The following LZIC variants were observed in gnomAD, a reference collection of about 807,000 sequenced individuals.
LZIC encodes protein LZIC.
A neutral mutation model predicts 25.4 loss-of-function variants in LZIC; 28 were observed. The observed-to-expected ratio is 1.10, with a 90% confidence interval of 0.82 to 1.51. The LOEUF is 1.51. Among genes scored for constraint, LZIC ranks in the 40% most tolerant of loss-of-function variants. LZIC has a pLI of 0.00. For synonymous variants in LZIC, 65 were observed against 70.7 expected (o/e 0.92, Z 0.40); for missense variants, 170 against 211.1 (o/e 0.81, Z 1.21).
intron 5 of LZIC, among the ~76,000 whole-genome samples, chr1:9,934,156 A>T (rs550089165): frequency 6.6e-6 from 1 of 151,556 alleles, no homozygotes; most frequent in Non-Finnish European, 1.5e-5. Flanking sequence ...TTGAACCCAG[A>T]GGCAGAGGTT....
At chr1:9,924,553 A>C (rs1373987585), downstream of LZIC, among the ~76,000 whole-genome samples, 2 of 151,802 alleles carry the variant, frequency 1.3e-5, no homozygotes, top group Non-Finnish European at 2.9e-5. Flanking sequence ...ATGGGGTTTC[A>C]CCGTGTTAGC....
intron 7 of LZIC, 27 bp from the exon 8 acceptor site, chr1:9,930,484 A>G (rs758788147): frequency 5.2e-5 from 84 of 1,611,480 alleles, no homozygotes; most frequent in Non-Finnish European, 7.1e-5. Context: ...ATAATAAACA[A>G]AAAGATTATT....
Position 9,932,892 on chromosome 1 carries a change from T to A in LZIC, c.343A>T (p.Arg115Ter). ...QLRTRLAEMD[R>*]DLMVGKLERD... is the part of the protein sequence containing the mutation. ...TCCAGCTTTCCTACCATCAGATCTCTATCCATCTAAAACGTATGAATGCAA... is the reference window on the plus strand; with the variant it reads ...TCCAGCTTTCCTACCATCAGATCTCAATCCATCTAAAACGTATGAATGCAA... Residue 115 changes from arginine to a stop codon, truncating the protein, a stop_gained, in exon 6 of 8, where the codon AGA (arginine) becomes TGA (stop). Transcript: ENST00000377223. LOFTEE classifies it high-confidence loss of function. 1 of 1,594,444 alleles carries A rather than the reference T, an allele frequency of 6.3e-7. No individual in the cohort carries two copies. The highest frequency in any genetic ancestry group is 8.6e-7 in the Non-Finnish European group (1 of 1,162,520).
downstream of LZIC, among the ~76,000 whole-genome samples, chr1:9,925,034 GGGCGCAGT>G (rs1234659681): frequency 6.6e-6 from 1 of 151,792 alleles, no homozygotes; most frequent in African/African-American, 2.4e-5. Flanking sequence ...CCTTACCACC[GGGCGCAGT>G]GGCTCACGCC....
rs1461223758 is a variant in LZIC, at chr1:9,926,368, C to G, written c.*4031G>C. 6.6e-6 allele frequency among the ~76,000 whole-genome samples: 1 copy of G among 152,128 alleles called. No individual in the cohort carries two copies. Among genetic ancestry groups the G allele is most frequent in the African/African-American group, 2.4e-5 (1 of 41,418 alleles). On this transcript the variant is annotated 3_prime_UTR_variant, in exon 8 of 8. Coordinates refer to ENST00000377223, the MANE Select transcript of LZIC (RefSeq NM_032368.5). ...GTAATTTCAGATTATCCATCATTCA[C>G]TGTAATAAGATACCATTTCAGTGGT... is the stretch of plus-strand genomic sequence containing the variant.
Position 9,934,133 on chromosome 1 carries a change from G to A in LZIC, c.336+629C>T, listed in dbSNP as rs569096039. Among the ~76,000 whole-genome samples the A allele has an allele frequency of 2.6e-5, 4 of 151,520 alleles. No individual in the cohort carries two copies. The East Asian group carries it at 5.8e-4, about 22-fold the overall frequency. On this transcript the variant is annotated intron_variant, in intron 5 of 7. Transcript: ENST00000377223. ...AGTCCCAGCTACTCAGGAGGCTGAGGCAAGAGAATCACTTGAACCCAGAGG... is the reference window on the plus strand; with the variant it reads ...AGTCCCAGCTACTCAGGAGGCTGAGACAAGAGAATCACTTGAACCCAGAGG...
downstream of LZIC, chr1:9,922,232 CA>C (rs568667973): frequency 1.8e-4 from 173 of 936,464 alleles, 1 homozygote; most frequent in South Asian, 7.6e-3. Flanking sequence ...CCTTTGCTTC[CA>C]TTCTTGCAGT....
Position 9,942,636 on chromosome 1 carries a change from A to C in LZIC, c.-21T>G, listed in dbSNP as rs950925434. On this transcript the variant is annotated 5_prime_UTR_variant, in exon 2 of 8. Coordinates refer to ENST00000377223, the MANE Select transcript of LZIC (RefSeq NM_032368.5). Reference sequence around the variant, plus strand: ...CATTCATGCTCACCTGTCTCTTAGTACTCTGATCTCTGCACAGTGCCGACC... The same window carrying C: ...CATTCATGCTCACCTGTCTCTTAGTCCTCTGATCTCTGCACAGTGCCGACC... 7.8e-7 allele frequency: 1 copy of C among 1,286,134 alleles called. No homozygotes were observed. The highest frequency in any genetic ancestry group is 1.5e-5 in the African/African-American group (1 of 65,784). 79.7% of individuals were successfully genotyped at this position (1,286,134 alleles called of 1,614,324 possible).
chr1:9,937,726 T>TA (rs976877300), intron 2 of LZIC, among the ~76,000 whole-genome samples: 1 of 151,574 alleles, frequency 6.6e-6, no homozygotes, highest in Non-Finnish European at 1.5e-5. Flanking sequence ...CGGATGCCTC[T>TA]AGTCCCACCT....
intron 5 of LZIC, 106 bp from the exon 6 acceptor site, chr1:9,933,004 C>A: frequency 4.2e-6 from 3 of 716,034 alleles, no homozygotes; most frequent in Admixed American, 2.4e-5. Context: ...ATAATCTCAA[C>A]ACTTTGGGCG....
rs755535414 is a variant in LZIC at position 9,930,299 on chromosome 1, T to C, written c.*100A>G. ...GCTTTTTCTTAGGTTATTGATGCATTTCCAGAATCTCTTCATTTCTTTGCA... is the reference window on the plus strand; with the variant it reads ...GCTTTTTCTTAGGTTATTGATGCATCTCCAGAATCTCTTCATTTCTTTGCA... On this transcript the variant is annotated 3_prime_UTR_variant, in exon 8 of 8. Coordinates refer to ENST00000377223, the MANE Select transcript of LZIC (RefSeq NM_032368.5). 7.4e-4 allele frequency: 1,153 copies of C among 1,560,388 alleles called. No homozygotes were observed. The highest frequency in any genetic ancestry group is 9.6e-4 in the Non-Finnish European group (1,108 of 1,156,720).
At chr1:9,934,958 T>C (rs1640389200) in intron 4 of LZIC, 98 bp from the exon 5 acceptor site, 6 of 922,266 alleles carry the variant, frequency 6.5e-6, no homozygotes. Flanking sequence ...CAAGGTTTAC[T>C]GGTTCCTGTC....
downstream of LZIC, among the ~76,000 whole-genome samples, chr1:9,925,886 C>CTT (rs70998325): frequency 4.0e-3 from 172 of 43,470 alleles, 5 homozygotes; most frequent in African/African-American, 0.011. Flanking sequence ...CCACTCATGC[C>CTT]TTTTTTTTTT....
At chr1:9,932,729 G>T in intron 6 of LZIC, 74 bp downstream of exon 6, 19 of 626,144 alleles carry the variant, frequency 3.0e-5, no homozygotes, top group Non-Finnish European at 4.1e-5. Context: ...CCACAAACTA[G>T]ACCACAGATC....
chr1:9,935,689 T>A, intron 3 of LZIC, 62 bp from the exon 4 acceptor site: 1 of 1,416,282 alleles, frequency 7.1e-7, no homozygotes, highest in Non-Finnish European at 9.6e-7. Flanking sequence ...AATGCAATCT[T>A]AATACTTGTA....
Position 9,931,937 on chromosome 1 carries a change from A to C in LZIC, c.468T>G (p.Asn156Lys). 6.2e-7 allele frequency: 1 copy of C among 1,613,944 alleles called. No individual in the cohort carries two copies. Among genetic ancestry groups the C allele is most frequent in the Non-Finnish European group, 8.5e-7 (1 of 1,179,922 alleles). ...TADDEAFLSA[N>K]AGAILSQFEK... ...CAAACTGGCTGAGTATAGCACCTGC[A>C]TTTGCTGACAAGAAGGCCTCATCAT... is the stretch of plus-strand genomic sequence containing the variant. The change falls in exon 7 of 8, where the codon AAT (asparagine) becomes AAG (lysine). Residue 156 changes from asparagine (N) to lysine (K), a missense_variant. By Grantham distance (94) the Asn-to-Lys change is moderately conservative (BLOSUM62 0). Transcript: ENST00000377223.
rs1296620159 is a variant in LZIC, at chr1:9,943,353, G to C, written c.-272C>G. 1 of 152,964 alleles carries C rather than the reference G, an allele frequency of 6.5e-6. No homozygotes were observed. The highest frequency in any genetic ancestry group is 1.5e-5 in the Non-Finnish European group (1 of 68,482). 9.5% of individuals were successfully genotyped at this position (152,964 alleles called of 1,614,324 possible). A position where few individuals can be genotyped will look rare whatever the true frequency, so the allele number is the denominator to read the frequency against. The stretch of plus-strand genomic sequence containing the variant: ...AGGGCCAGGGGCCCCGCCTACCTGA[G>C]GGCACTGGCCTGGCGGACCGCGCCG... On this transcript the variant is annotated 5_prime_UTR_variant, in exon 1 of 8. Coordinates refer to ENST00000377223, the MANE Select transcript of LZIC (RefSeq NM_032368.5).
At chr1:9,937,891 T>G (rs1276602363) in intron 2 of LZIC, among the ~76,000 whole-genome samples, 1 of 131,828 alleles carries the variant, frequency 7.6e-6, no homozygotes. Flanking sequence ...ATATGAAAGA[T>G]AGTTAAACAA....
At chr1:9,941,136 A>G (rs1640707173) in intron 2 of LZIC, among the ~76,000 whole-genome samples, 1 of 151,826 alleles carries the variant, frequency 6.6e-6, no homozygotes, top group Non-Finnish European at 1.5e-5. Context: ...CCCAATCACT[A>G]GGTTGTGAAT....
Sources: gnomAD v4.1 joint callset for allele counts (sites outside exome capture counted in the v4.1 genomes callset) on GRCh38, gnomAD v4.1.1 for gene constraint, MANE v1.5 for transcripts, NCBI Gene and HGNC (gene_info 2026-07-23, HGNC 2026-07-21) for gene names.